The following CACNB4 variants were observed in gnomAD, a reference collection of about 807,000 sequenced individuals.
The protein encoded by CACNB4 is voltage-dependent L-type calcium channel subunit beta-4.
Under a neutral mutation model 71.2 loss-of-function variants are expected in CACNB4, and 32 were observed. The ratio of observed to expected loss-of-function variants is 0.45; its 90% CI spans 0.34 to 0.60. The LOEUF (loss-of-function observed/expected upper bound fraction) is 0.60. CACNB4 is among the 20% of genes least tolerant of loss of function. The pLI is 0.01. For missense variants in CACNB4, 464 were observed against 647.9 expected (o/e 0.72, Z 3.08); for synonymous variants, 231 against 236.9 (o/e 0.97, Z 0.23).
chr2:151,982,846 T>C (rs1048731421), intron 2 of CACNB4, among the ~76,000 whole-genome samples: 1 of 152,194 alleles, frequency 6.6e-6, no homozygotes, highest in Admixed American at 6.5e-5. Flanking sequence ...CGGCTCAACC[T>C]GACTAATTCC....
intron 2 of CACNB4, among the ~76,000 whole-genome samples, chr2:151,961,939 C>A (rs2099869772): frequency 6.6e-6 from 1 of 152,090 alleles, no homozygotes; most frequent in Non-Finnish European, 1.5e-5. Flanking sequence ...CTTTCATCAA[C>A]TTGTGTGAAT....
rs764002046 is a variant in CACNB4, at chr2:151,855,375, G to A, written c.869C>T (p.Ala290Val). Residue 290 changes from alanine (A) to valine (V), a missense_variant and splice_region_variant, in exon 11 of 14, where the codon GCG becomes GTG. Ala to Val is a moderately conservative substitution (Grantham distance 64). Around this residue, in one of 3 missense-constraint regions of CACNB4, gnomAD observed 299 missense variants for 471.7 expected, o/e 0.63. Coordinates refer to ENST00000539935, the MANE Select transcript of CACNB4 (RefSeq NM_000726.5). ...TCTTTCAATTTCACTTTGTACTTCC[G>A]CTTAAAGGAAAAATAATAAATAGAT... ...IERSNTRSSL[A>V]EVQSEIERIF... The A allele has an allele frequency of 1.5e-5, 24 of 1,575,538 alleles. No homozygotes were observed. Among genetic ancestry groups the A allele is most frequent in the Middle Eastern group, 3.4e-4 (2 of 5,826 alleles).
chr2:152,043,663 C>A (rs1002451403), intron 2 of CACNB4, among the ~76,000 whole-genome samples: 1 of 151,692 alleles, frequency 6.6e-6, no homozygotes, highest in African/African-American at 2.4e-5. Context: ...GGACTATGTG[C>A]GTGTATACAC....
intron 9 of CACNB4, among the ~76,000 whole-genome samples, chr2:151,864,701 A>G (rs755731102): frequency 6.6e-6 from 1 of 152,198 alleles, no homozygotes; most frequent in Non-Finnish European, 1.5e-5. Context: ...TCAGTATCCT[A>G]ATCAATAAAA....
At chr2:151,945,875 TAA>T (rs34099714) in intron 2 of CACNB4, among the ~76,000 whole-genome samples, 2,414 of 135,064 alleles carry the variant, frequency 0.018, 34 homozygotes, top group African/African-American at 0.048. Context: ...ACCCTGTCTT[TAA>T]AAAAAAAAAA....
intron 13 of CACNB4, among the ~76,000 whole-genome samples, chr2:151,839,662 G>A (rs1483830504): frequency 2.0e-5 from 3 of 152,118 alleles, no homozygotes; most frequent in Admixed American, 6.5e-5. Context: ...CTGTTAAATG[G>A]AACTTAATAT....
At chr2:151,972,508 T>C (rs2099872835) in intron 2 of CACNB4, 1 of 152,158 alleles carries the variant, frequency 6.6e-6, no homozygotes, top group Non-Finnish European at 1.5e-5. Context: ...ACACTGACAG[T>C]CTGATCATTT....
chr2:152,068,651 C>T (rs897287283), intron 2 of CACNB4, among the ~76,000 whole-genome samples: 3 of 152,106 alleles, frequency 2.0e-5, no homozygotes, highest in African/African-American at 7.2e-5. Flanking sequence ...CTCCAAGAAG[C>T]CTGGATAGGA....
intron 4 of CACNB4, chr2:151,880,183 C>T (rs1179971632): frequency 6.6e-6 from 1 of 152,658 alleles, no homozygotes; most frequent in Non-Finnish European, 1.5e-5. Context: ...CTCATCTTTT[C>T]CCTGCATGTC....
At chr2:151,869,445 G>T in intron 8 of CACNB4, 1 of 499,744 alleles carries the variant, frequency 2.0e-6, no homozygotes, top group East Asian at 3.2e-5. Context: ...CTCCTCCAGG[G>T]TGTTGAGGAA....
intron 2 of CACNB4, among the ~76,000 whole-genome samples, chr2:152,042,234 G>A (rs1684908863): frequency 6.6e-6 from 1 of 152,106 alleles, no homozygotes; most frequent in African/African-American, 2.4e-5. Flanking sequence ...AACTAATCTA[G>A]GGTCACCAGC....
intron 2 of CACNB4, among the ~76,000 whole-genome samples, chr2:151,993,486 G>A (rs1174635358): frequency 2.0e-5 from 3 of 151,984 alleles, no homozygotes; most frequent in Non-Finnish European, 2.9e-5. Flanking sequence ...TTACAAGAGG[G>A]GCCAGGTAAG....
chr2:151,899,312 A>G (rs929786629), intron 2 of CACNB4, among the ~76,000 whole-genome samples: 4 of 152,236 alleles, frequency 2.6e-5, no homozygotes, highest in African/African-American at 9.6e-5. Flanking sequence ...GAAACATTCC[A>G]GCAGAGTGGC....
At chr2:152,001,718 GAAA>G (rs70974817) in intron 2 of CACNB4, among the ~76,000 whole-genome samples, 4 of 127,854 alleles carry the variant, frequency 3.1e-5, no homozygotes, top group African/African-American at 6.5e-5. Context: ...TGTCTCGAAA[GAAA>G]AAAAAAAAAA....
intron 2 of CACNB4, among the ~76,000 whole-genome samples, chr2:152,091,614 G>A (rs1687977764): frequency 6.6e-6 from 1 of 152,028 alleles, no homozygotes; most frequent in African/African-American, 2.4e-5. Flanking sequence ...CTCCAGCCTG[G>A]GCAAGAGTGA....
At chr2:151,857,373 A>G (rs972586905) in intron 10 of CACNB4, 1 of 152,248 alleles carries the variant, frequency 6.6e-6, no homozygotes, top group African/African-American at 2.4e-5. Flanking sequence ...TTGCTTGGAA[A>G]GGTGACTAGC....
At chr2:151,877,354 G>T (rs533960250) in intron 4 of CACNB4, among the ~76,000 whole-genome samples, 1 of 152,252 alleles carries the variant, frequency 6.6e-6, no homozygotes, top group South Asian at 2.1e-4. Context: ...AAGAGAGTGG[G>T]TCAGACTGGA....
intron 2 of CACNB4, among the ~76,000 whole-genome samples, chr2:152,062,143 T>C (rs1019903468): frequency 3.9e-5 from 6 of 152,040 alleles, no homozygotes; most frequent in Non-Finnish European, 8.8e-5. Flanking sequence ...TCTATGTACC[T>C]TATTGTGAAA....
Position 151,973,599 on chromosome 2 carries a change from G to A in CACNB4, c.148-90229C>T, listed in dbSNP as rs979269287. The A allele has an allele frequency of 1.0e-5, 14 of 1,386,902 alleles. No individual in the cohort carries two copies. In the East Asian group the frequency reaches 2.3e-4, roughly 23 times the overall value. 85.9% of individuals were successfully genotyped at this position (1,386,902 alleles called of 1,614,324 possible). On this transcript the variant is annotated intron_variant, in intron 2 of 13. Transcript: ENST00000539935. ...GCGTTGCCTAAGAAATAAGAAGCGG[G>A]GGGGTGGAGGGGATAGTGGGAGGAG... is the stretch of plus-strand genomic sequence containing the variant.
Sources: allele counts gnomAD v4.1 joint callset (sites outside exome capture counted in the v4.1 genomes callset), GRCh38; gene constraint gnomAD v4.1.1; regional missense constraint gnomAD v4.1.1; transcripts MANE v1.5; gene names NCBI Gene and HGNC (gene_info 2026-07-23, HGNC 2026-07-21).